HYCC1: variants seen among roughly 807,000 people sequenced by gnomAD.
The protein encoded by HYCC1 is hyccin PI4KA lipid kinase complex subunit 1.
the HYCC1 span, chr7:22,942,097 T>C: frequency 1.3e-5 from 2 of 152,212 alleles, no homozygotes; most frequent in African/African-American, 4.8e-5. Context: ...AGTACATCTG[T>C]TCTCTGTAAT....
chr7:22,896,924 G>C, the HYCC1 span, among the ~76,000 whole-genome samples: 3 of 152,154 alleles, frequency 2.0e-5, no homozygotes, highest in Non-Finnish European at 4.4e-5. Context: ...CACTTTATAA[G>C]CTCACATACA....
At chr7:22,989,296 AC>A in the HYCC1 span, among the ~76,000 whole-genome samples, 1 of 31,740 alleles carries the variant, frequency 3.2e-5, no homozygotes, top group African/African-American at 7.2e-5. Flanking sequence ...ACACACACAC[AC>A]ACACACACAC....
the HYCC1 span, chr7:22,938,529 G>A: frequency 3.9e-4 from 59 of 152,298 alleles, no homozygotes; most frequent in African/African-American, 1.3e-3. Context: ...TATTTGGGAA[G>A]TTCAACAAGG....
the HYCC1 span, among the ~76,000 whole-genome samples, chr7:22,999,447 C>A: frequency 2.0e-4 from 31 of 152,244 alleles, no homozygotes; most frequent in East Asian, 5.2e-3. Context: ...TGTAAAAGTG[C>A]TGAACTATAA....
the HYCC1 span, among the ~76,000 whole-genome samples, chr7:22,912,640 AT>A: frequency 6.6e-6 from 1 of 152,162 alleles, no homozygotes; most frequent in African/African-American, 2.4e-5. Flanking sequence ...TGCTTCAGAG[AT>A]TTTTCCTATG....
At chr7:22,903,484 T>C in the HYCC1 span, among the ~76,000 whole-genome samples, 1 of 152,194 alleles carries the variant, frequency 6.6e-6, no homozygotes, top group South Asian at 2.1e-4. Flanking sequence ...AACAAACTCC[T>C]AGAAAAATAA....
At chr7:22,949,380 T>C in the HYCC1 span, among the ~76,000 whole-genome samples, 338 of 152,206 alleles carry the variant, frequency 2.2e-3, 1 homozygote, top group Non-Finnish European at 3.5e-3. Flanking sequence ...TCTTCTAACA[T>C]ACTATAAATA....
chr7:22,922,657 T>C, the HYCC1 span, among the ~76,000 whole-genome samples: 2 of 152,238 alleles, frequency 1.3e-5, no homozygotes, highest in South Asian at 2.1e-4. Flanking sequence ...TCTGTATATG[T>C]TGTCTACAGA....
chr7:22,928,761 C>G, the HYCC1 span, among the ~76,000 whole-genome samples: 1 of 152,020 alleles, frequency 6.6e-6, no homozygotes. Context: ...GCCATACTGC[C>G]CAAGGTAATT....
At chr7:22,982,907 C>G in the HYCC1 span, among the ~76,000 whole-genome samples, 4 of 152,174 alleles carry the variant, frequency 2.6e-5, no homozygotes, top group African/African-American at 9.7e-5. Context: ...AGCCTATTCA[C>G]CTTTTTCCAA....
chr7:22,911,452 T>A, the HYCC1 span, among the ~76,000 whole-genome samples: 463 of 152,310 alleles, frequency 3.0e-3, 1 homozygote, highest in Non-Finnish European at 5.6e-3. Flanking sequence ...AATTTATTGT[T>A]CTCATACCTA....
At chr7:23,006,711 TAAGTC>T in the HYCC1 span, among the ~76,000 whole-genome samples, 4 of 152,324 alleles carry the variant, frequency 2.6e-5, no homozygotes, top group Admixed American at 6.5e-5. Context: ...ATGTTTTCAT[TAAGTC>T]AAGTACAAAT....
the HYCC1 span, among the ~76,000 whole-genome samples, chr7:22,920,751 G>A: frequency 2.6e-5 from 4 of 152,114 alleles, no homozygotes; most frequent in African/African-American, 7.2e-5. Context: ...TTTTTGTTAT[G>A]GTTGGAATGT....
chr7:22,925,714 T>C, the HYCC1 span, among the ~76,000 whole-genome samples: 1 of 152,158 alleles, frequency 6.6e-6, no homozygotes, highest in Non-Finnish European at 1.5e-5. Flanking sequence ...AATTGGTGTA[T>C]CTAAAAGTGA....
the HYCC1 span, chr7:22,983,798 G>A: frequency 1.6e-6 from 1 of 608,330 alleles, no homozygotes; most frequent in Non-Finnish European, 2.9e-6. Context: ...ATATTTCTTG[G>A]CTTGGGGAAT....
chr7:22,927,655 T>C, the HYCC1 span, among the ~76,000 whole-genome samples: 4 of 152,338 alleles, frequency 2.6e-5, no homozygotes, highest in African/African-American at 9.6e-5. Flanking sequence ...AATTTCTGAA[T>C]AGACTAATAG....
At chr7:22,915,140 A>G in the HYCC1 span, among the ~76,000 whole-genome samples, 19 of 152,282 alleles carry the variant, frequency 1.2e-4, no homozygotes, top group East Asian at 2.5e-3. Flanking sequence ...TATTCTCAAT[A>G]TACATTTTAT....
At chr7:22,945,865 G>C in the HYCC1 span, 21 of 1,613,748 alleles carry the variant, frequency 1.3e-5, no homozygotes, top group Non-Finnish European at 1.8e-5. Context: ...GGGATTGGCT[G>C]GTTGTTAAAG....
the HYCC1 span, chr7:22,964,284 A>T: frequency 3.0e-5 from 20 of 667,910 alleles, no homozygotes; most frequent in South Asian, 3.2e-4. Flanking sequence ...ACTATTATCA[A>T]GATCTTCATA....
Sources: allele counts gnomAD v4.1 joint callset (sites outside exome capture counted in the v4.1 genomes callset), GRCh38; gene constraint gnomAD v4.1.1; transcripts MANE v1.5; gene names NCBI Gene and HGNC (gene_info 2026-07-23, HGNC 2026-07-21).